The following VPS8 variants were observed in gnomAD, a reference collection of about 807,000 sequenced individuals.
VPS8 encodes the protein vacuolar protein sorting-associated protein 8 homolog.
Under a neutral mutation model 216.4 loss-of-function variants are expected in VPS8, and 129 were observed. The observed-to-expected ratio is 0.60, with a 90% CI of 0.52 to 0.69. VPS8 has a LOEUF of 0.69. Among genes scored for constraint, VPS8 ranks in the 30% least tolerant of loss-of-function variants. The pLI is 0.00. For synonymous variants in VPS8, 571 were observed against 565.4 expected (o/e 1.01, Z -0.14); for missense variants, 1,531 against 1,683.5 (o/e 0.91, Z 1.59).
chr3:184,966,333 A>G (rs1321978753), intron 38 of VPS8, among the ~76,000 whole-genome samples: 1 of 152,190 alleles, frequency 6.6e-6, no homozygotes, highest in Non-Finnish European at 1.5e-5. Context: ...CCACCTTCCA[A>G]TATTGGGAAT....
intron 31 of VPS8, among the ~76,000 whole-genome samples, chr3:184,927,624 G>A (rs1027691046): frequency 6.6e-6 from 1 of 152,066 alleles, no homozygotes; most frequent in African/African-American, 2.4e-5. Context: ...CCATTTTTAA[G>A]TGTATACATC....
chr3:184,856,457 G>A (rs542945741), intron 14 of VPS8, among the ~76,000 whole-genome samples: 8 of 152,302 alleles, frequency 5.3e-5, no homozygotes, highest in African/African-American at 1.4e-4. Context: ...TGAAGTCACA[G>A]AGGCAAGAAT....
intron 25 of VPS8, among the ~76,000 whole-genome samples, chr3:184,913,293 A>G (rs964574471): frequency 1.3e-5 from 2 of 152,178 alleles, no homozygotes; most frequent in African/African-American, 2.4e-5. Flanking sequence ...CCTCAGATCT[A>G]TTCCTTCTAC....
chr3:184,937,538 A>G (rs1383495238), intron 35 of VPS8, among the ~76,000 whole-genome samples: 4 of 152,202 alleles, frequency 2.6e-5, no homozygotes, highest in Non-Finnish European at 4.4e-5. Context: ...CACTTGCATA[A>G]TTATAGTCCA....
Position 184,818,136 on chromosome 3 carries a change from A to G in VPS8, c.-89+5911A>G, listed in dbSNP as rs149762326. On this transcript the variant is annotated intron_variant, in intron 1 of 47. Transcript: ENST00000625842. ...TCTTAGTGCAAAAATAATAAATTCA[A>G]TTGTAAGGGAAGGAGGCAGAAGGAT... 4.5e-3 allele frequency among the ~76,000 whole-genome samples: 678 copies of G among 152,276 alleles called. 7 individuals carry two copies. Among genetic ancestry groups the G allele is most frequent in the African/African-American group, 0.015 (632 of 41,556 alleles).
rs375952010 is a variant in VPS8 at position 184,849,951 on chromosome 3, T to A, written c.682T>A (p.Leu228Met). The change falls in exon 10 of 48, where the codon TTG becomes ATG. Residue 228 changes from leucine (L) to methionine (M), a missense_variant. By Grantham distance (15) the Leu-to-Met change is conservative (BLOSUM62 2). Coordinates refer to ENST00000625842, the MANE Select transcript of VPS8 (RefSeq NM_001009921.3). Reference protein sequence around the residue: ...FAKGQITMWDLASGKLLRSIT... With the variant: ...FAKGQITMWDMASGKLLRSIT... ...TGTCTTATAGATCACCATGTGGGAT[T>A]TGGCCAGTGGAAAACTTCTAAGATC... 3.7e-6 allele frequency: 6 copies of A among 1,612,958 alleles called. No individual in the cohort carries two copies. The Admixed American group carries it at 8.4e-5, about 22-fold the overall frequency.
chr3:184,855,023 A>G (rs1251394618), intron 13 of VPS8, among the ~76,000 whole-genome samples: 2 of 152,166 alleles, frequency 1.3e-5, no homozygotes, highest in African/African-American at 2.4e-5. Flanking sequence ...TCTGGGCCCT[A>G]GGGGAAGCAG....
chr3:184,960,981 C>T (rs1448342997), intron 37 of VPS8, among the ~76,000 whole-genome samples: 1 of 152,146 alleles, frequency 6.6e-6, no homozygotes, highest in African/African-American at 2.4e-5. Context: ...TTAGTAAAGT[C>T]AGCTTTATAG....
intron 37 of VPS8, among the ~76,000 whole-genome samples, chr3:184,959,220 C>G (rs1746098799): frequency 6.6e-6 from 1 of 152,100 alleles, no homozygotes; most frequent in Non-Finnish European, 1.5e-5. Context: ...GACAAGGTAC[C>G]AGGCCAGTTT....
chr3:185,031,062 C>CTTTTTTTTTTTTTT (rs1561198896), intron 46 of VPS8, among the ~76,000 whole-genome samples: 2 of 75,238 alleles, frequency 2.7e-5, no homozygotes, highest in African/African-American at 1.5e-4. Flanking sequence ...TACAGGTTGG[C>CTTTTTTTTTTTTTT]GTTTTTTTTT....
intron 22 of VPS8, 121 bp from the exon 23 acceptor site, chr3:184,894,582 C>T: frequency 1.5e-6 from 1 of 681,860 alleles, no homozygotes; most frequent in Non-Finnish European, 2.4e-6. Context: ...ATATTATTGC[C>T]ATTTTAAATA....
chr3:184,855,534 T>C (rs1725076794), intron 13 of VPS8, among the ~76,000 whole-genome samples, 177 bp from the exon 14 acceptor site: 1 of 152,252 alleles, frequency 6.6e-6, no homozygotes, highest in Non-Finnish European at 1.5e-5. Flanking sequence ...TGTAGAACAT[T>C]ACCATCAACC....
chr3:184,915,337 T>A lies in VPS8; in HGVS notation c.2263-18T>A, dbSNP rs1173749094. Reference sequence around the variant, plus strand: ...TGTCAGGTGAGAAAATAATCAACATTTTTTTCCCAACTTGCAGGTTTTTGA... The same window carrying A: ...TGTCAGGTGAGAAAATAATCAACATATTTTTCCCAACTTGCAGGTTTTTGA... On this transcript the variant is annotated intron_variant, in intron 27 of 47. Transcript: ENST00000625842. The A allele has an allele frequency of 1.9e-6, 3 of 1,608,178 alleles. No homozygotes were observed. The highest frequency in any genetic ancestry group is 2.5e-6 in the Non-Finnish European group (3 of 1,177,196).
intron 47 of VPS8, 40 bp downstream of exon 47, chr3:185,048,599 T>A: frequency 6.2e-7 from 1 of 1,608,396 alleles, no homozygotes; most frequent in East Asian, 2.2e-5. Flanking sequence ...ATTTCCCTAT[T>A]TATAGTTTAC....
At chr3:184,879,258 A>G (rs1445077886) in intron 21 of VPS8, among the ~76,000 whole-genome samples, 2 of 152,220 alleles carry the variant, frequency 1.3e-5, no homozygotes, top group Non-Finnish European at 2.9e-5. Context: ...CTTCTTTAAT[A>G]CATCTTAAAT....
chr3:184,966,241 A>G (rs721432), intron 38 of VPS8, among the ~76,000 whole-genome samples: 11,898 of 152,140 alleles, frequency 0.078, 508 homozygotes, highest in South Asian at 0.15. Context: ...ATAGAGGGAG[A>G]CGTCACTCAT....
chr3:184,969,277 CCGG>C (rs1747949907), intron 39 of VPS8, among the ~76,000 whole-genome samples: 2 of 151,010 alleles, frequency 1.3e-5, no homozygotes, highest in Non-Finnish European at 2.9e-5. Context: ...GCCACCACAC[CCGG>C]CTAATTTTTG....
chr3:184,900,320 C>T (rs1054953542), intron 24 of VPS8, among the ~76,000 whole-genome samples: 1 of 152,102 alleles, frequency 6.6e-6, no homozygotes, highest in East Asian at 1.9e-4. Context: ...CAGAGGTAGA[C>T]GTTTATATAC....
intron 25 of VPS8, among the ~76,000 whole-genome samples, chr3:184,912,011 A>T (rs1736631939): frequency 6.6e-6 from 1 of 152,118 alleles, no homozygotes; most frequent in Non-Finnish European, 1.5e-5. Context: ...CTTTTTTTGT[A>T]ACCATTTGTC....
Sources: gnomAD v4.1 joint callset for allele counts (sites outside exome capture counted in the v4.1 genomes callset) on GRCh38, gnomAD v4.1.1 for gene constraint, MANE v1.5 for transcripts, NCBI Gene and HGNC (gene_info 2026-07-23, HGNC 2026-07-21) for gene names.